Variants in CLSTN2 observed in about 807,000 individuals in gnomAD.
CLSTN2 encodes the protein calsyntenin 2, also known as calsyntenin-2.
In CLSTN2, 48 loss-of-function variants were observed where a neutral mutation model predicts 101.2. The ratio of observed to expected loss-of-function variants is 0.47; its 90% confidence interval spans 0.38 to 0.60. The LOEUF (loss-of-function observed/expected upper bound fraction) is 0.60. Ranked by LOEUF, CLSTN2 falls within the 20% of genes least tolerant of loss-of-function variation. CLSTN2 has a pLI of 0.00. For synonymous variants in CLSTN2, 481 were observed against 463.6 expected (o/e 1.04, Z -0.48); for missense variants, 1,160 against 1,238.2 (o/e 0.94, Z 0.95).
chr3:140,429,067 G>A (rs2088602010), intron 5 of CLSTN2, among the ~76,000 whole-genome samples: 1 of 152,184 alleles, frequency 6.6e-6, no homozygotes, highest in Non-Finnish European at 1.5e-5. Flanking sequence ...TGAAAAGACA[G>A]TGGCAGAAAG....
At chr3:140,482,072 A>G (rs1441178999) in intron 8 of CLSTN2, among the ~76,000 whole-genome samples, 1 of 152,116 alleles carries the variant, frequency 6.6e-6, no homozygotes, top group East Asian at 1.9e-4. Flanking sequence ...TCAGTATGAT[A>G]TTGGCTGTGG....
Position 140,404,557 on chromosome 3 carries a change from G to C in CLSTN2, c.429-1G>C. On this transcript the variant is annotated splice_acceptor_variant, in intron 3 of 16. Coordinates refer to ENST00000458420, the MANE Select transcript of CLSTN2 (RefSeq NM_022131.3). LOFTEE classifies it high-confidence loss of function. Reference sequence around the variant, plus strand: ...CCCTTCCTTTCTGTGTGTGGTCCCAGGGCCGTGGTCCATATACAGGTGAAG... The same window carrying C: ...CCCTTCCTTTCTGTGTGTGGTCCCACGGCCGTGGTCCATATACAGGTGAAG... 6.2e-7 allele frequency: 1 copy of C among 1,613,996 alleles called. No individual in the cohort carries two copies. Among genetic ancestry groups the C allele is most frequent in the Non-Finnish European group, 8.5e-7 (1 of 1,179,894 alleles).
At chr3:140,149,290 G>A (rs984803994) in intron 1 of CLSTN2, among the ~76,000 whole-genome samples, 3 of 152,170 alleles carry the variant, frequency 2.0e-5, no homozygotes, top group Non-Finnish European at 4.4e-5. Context: ...CAATGATAAA[G>A]CTTGGGTGCA....
At chr3:140,177,994 T>C (rs2010350667) in intron 2 of CLSTN2, among the ~76,000 whole-genome samples, 1 of 152,062 alleles carries the variant, frequency 6.6e-6, no homozygotes, top group Admixed American at 6.6e-5. Flanking sequence ...CACCTTTCCA[T>C]CTGAACATAT....
chr3:140,455,207 A>G (rs1933367089), intron 6 of CLSTN2, among the ~76,000 whole-genome samples: 1 of 152,168 alleles, frequency 6.6e-6, no homozygotes, highest in African/African-American at 2.4e-5. Flanking sequence ...TGTGTCCTTG[A>G]TTATACTGGA....
intron 1 of CLSTN2, among the ~76,000 whole-genome samples, chr3:140,151,061 G>C (rs1234102880): frequency 6.6e-6 from 1 of 151,990 alleles, no homozygotes; most frequent in Non-Finnish European, 1.5e-5. Context: ...GTACCTTCTT[G>C]GTGGCTGACA....
At chr3:140,179,620 CAAAAAAAAAAAAAAAAAAAA>C (rs57433306) in intron 2 of CLSTN2, among the ~76,000 whole-genome samples, 4 of 37,458 alleles carry the variant, frequency 1.1e-4, no homozygotes, top group Non-Finnish European at 2.0e-4. Flanking sequence ...GACCCTATCT[CAAAAAAAAAAAAAAAAAAAA>C]AAAAAAAAAA....
intron 10 of CLSTN2, among the ~76,000 whole-genome samples, chr3:140,550,845 G>C (rs1311300049): frequency 2.0e-5 from 3 of 149,000 alleles, no homozygotes; most frequent in African/African-American, 7.8e-5. Flanking sequence ...ACCAAGCTTG[G>C]TTATAAAGGC....
chr3:140,252,300 C>T (rs2086571113), intron 2 of CLSTN2, among the ~76,000 whole-genome samples: 1 of 152,122 alleles, frequency 6.6e-6, no homozygotes, highest in South Asian at 2.1e-4. Context: ...ACATTCCAAT[C>T]CTACATAAAG....
intron 1 of CLSTN2, among the ~76,000 whole-genome samples, chr3:140,080,528 C>T (rs1415009238): frequency 1.3e-5 from 2 of 152,178 alleles, no homozygotes; most frequent in East Asian, 1.9e-4. Context: ...CCCAACCCAA[C>T]CTTCTTTCTC....
At chr3:140,418,255 CA>C (rs1185677367) in intron 4 of CLSTN2, among the ~76,000 whole-genome samples, 1 of 151,958 alleles carries the variant, frequency 6.6e-6, no homozygotes, top group East Asian at 1.9e-4. Context: ...TGAGTGTTAC[CA>C]ACCAATACTG....
chr3:140,064,757 T>C (rs1049679578), intron 1 of CLSTN2, among the ~76,000 whole-genome samples: 2 of 152,316 alleles, frequency 1.3e-5, no homozygotes, highest in East Asian at 3.9e-4. Flanking sequence ...CATTAGAATT[T>C]ATAAGTGAAT....
chr3:140,062,773 C>G (rs564423614), intron 1 of CLSTN2, among the ~76,000 whole-genome samples: 18 of 152,182 alleles, frequency 1.2e-4, no homozygotes, highest in Admixed American at 9.8e-4. Context: ...GCTGTGTGAC[C>G]TTGAGTGAAT....
intron 10 of CLSTN2, among the ~76,000 whole-genome samples, chr3:140,553,792 C>T (rs1341136237): frequency 6.6e-6 from 1 of 152,312 alleles, no homozygotes; most frequent in Non-Finnish European, 1.5e-5. Context: ...AGTCATGTGA[C>T]TCTGGCCACC....
intron 2 of CLSTN2, among the ~76,000 whole-genome samples, chr3:140,395,148 T>A (rs1339850027): frequency 6.6e-6 from 1 of 152,220 alleles, no homozygotes. Flanking sequence ...ATTTTGATCT[T>A]GGCACAAAGC....
At chr3:140,483,952 G>A (rs1003437281) in intron 8 of CLSTN2, among the ~76,000 whole-genome samples, 2 of 152,084 alleles carry the variant, frequency 1.3e-5, no homozygotes, top group African/African-American at 4.8e-5. Context: ...GGAGCATTTA[G>A]CCCATTTACA....
intron 2 of CLSTN2, among the ~76,000 whole-genome samples, chr3:140,228,398 A>G (rs2086341592): frequency 6.6e-6 from 1 of 152,176 alleles, no homozygotes; most frequent in Non-Finnish European, 1.5e-5. Flanking sequence ...CCTGGACTTT[A>G]TATTCCATAT....
Position 140,570,438 on chromosome 3 carries a change from G to A in CLSTN2, c.*4185G>A, listed in dbSNP as rs1472821795. The A allele has an allele frequency of 1.3e-5, 2 of 152,152 alleles. No homozygotes were observed. Among genetic ancestry groups the A allele is most frequent in the African/African-American group, 4.8e-5 (2 of 41,424 alleles). 9.4% of individuals were successfully genotyped at this position (152,152 alleles called of 1,614,324 possible). A position where few individuals can be genotyped will look rare whatever the true frequency, so the allele number is the denominator to read the frequency against. On this transcript the variant is annotated 3_prime_UTR_variant, in exon 17 of 17. Coordinates refer to ENST00000458420, the MANE Select transcript of CLSTN2 (RefSeq NM_022131.3). ...GAAGAACACAGGAAGTTGTGCATAG[G>A]CTATATGCAAATACTATGCATTTTA...
intron 2 of CLSTN2, among the ~76,000 whole-genome samples, chr3:140,347,114 T>C (rs905917013): frequency 6.6e-6 from 1 of 152,274 alleles, no homozygotes; most frequent in Admixed American, 6.5e-5. Flanking sequence ...CTGAGAGTCA[T>C]ACACACATTT....
Sources: gnomAD v4.1 joint callset for allele counts (sites outside exome capture counted in the v4.1 genomes callset) on GRCh38, gnomAD v4.1.1 for gene constraint, MANE v1.5 for transcripts, NCBI Gene and HGNC (gene_info 2026-07-23, HGNC 2026-07-21) for gene names.